The following RABGAP1 variants were observed in gnomAD, a reference collection of about 807,000 sequenced individuals.
The protein encoded by RABGAP1 is RAB GTPase activating protein 1, also known as rab GTPase-activating protein 1.
Under a neutral mutation model 137.6 loss-of-function variants are expected in RABGAP1, and 23 were observed. That is an observed-to-expected ratio of 0.17 (90% CI 0.12 to 0.24). The LOEUF (loss-of-function observed/expected upper bound fraction) is 0.24, where lower values mean the gene tolerates loss of function less well. Among genes scored for constraint, RABGAP1 ranks in the 10% least tolerant of loss-of-function variants. The pLI is 1.00. For missense variants in RABGAP1, 906 were observed against 1,275.8 expected, an observed-to-expected ratio of 0.71 and a Z score of 4.42; for synonymous variants, 451 against 450.7, an observed-to-expected ratio of 1.00 and a Z score of -0.01.
intron 13 of RABGAP1, among the ~76,000 whole-genome samples, chr9:123,055,272 G>A (rs952926384): frequency 3.3e-5 from 5 of 152,130 alleles, no homozygotes; most frequent in African/African-American, 1.2e-4. Flanking sequence ...GCTCACTGCA[G>A]CTTTGACCCC....
chr9:122,934,484 A>C, the RABGAP1 span, among the ~76,000 whole-genome samples: 1 of 151,824 alleles, frequency 6.6e-6, no homozygotes, highest in Admixed American at 6.6e-5. Flanking sequence ...TTTAAAATTA[A>C]TTTTCCCTTT....
At chr9:122,971,569 A>G in intron 2 of RABGAP1, 1 of 152,358 alleles carries the variant, frequency 6.6e-6, no homozygotes, top group Middle Eastern at 3.4e-3. Flanking sequence ...ATCATTAAAG[A>G]CTTAAAGCAA....
chr9:123,057,646 A>G lies in RABGAP1; in HGVS notation c.1795-7702A>G, dbSNP rs996275054. Reference sequence around the variant, plus strand: ...CAGAGACGCTCCTCACTTCCCAGACAGGGTGGTGGCCGGGCAGAGGCTGCA... The same window carrying G: ...CAGAGACGCTCCTCACTTCCCAGACGGGGTGGTGGCCGGGCAGAGGCTGCA... On this transcript the variant is annotated intron_variant, in intron 13 of 25. Transcript: ENST00000373647. 6.9e-4 allele frequency among the ~76,000 whole-genome samples: 105 copies of G among 151,668 alleles called. 1 individual carries two copies. Among genetic ancestry groups the G allele is most frequent in the East Asian group, 7.8e-4 (4 of 5,126 alleles).
intron 13 of RABGAP1, among the ~76,000 whole-genome samples, chr9:123,049,302 G>T (rs1201808438): frequency 6.6e-6 from 1 of 152,112 alleles, no homozygotes; most frequent in Non-Finnish European, 1.5e-5. Context: ...TGTTGTTGTT[G>T]TTGTTGTTGT....
chr9:122,988,355 C>A (rs1836474830), intron 4 of RABGAP1, among the ~76,000 whole-genome samples: 1 of 152,156 alleles, frequency 6.6e-6, no homozygotes, highest in Non-Finnish European at 1.5e-5. Context: ...TCTTTTTAGA[C>A]CTTCCATAGT....
chr9:123,083,331 G>C (rs2132186630), intron 19 of RABGAP1, among the ~76,000 whole-genome samples: 1 of 152,324 alleles, frequency 6.6e-6, no homozygotes, highest in African/African-American at 2.4e-5. Flanking sequence ...ACAAAGTTCA[G>C]CTTTCTTTAT....
intron 13 of RABGAP1, among the ~76,000 whole-genome samples, chr9:123,048,264 A>G (rs1240799703): frequency 6.6e-6 from 1 of 152,174 alleles, no homozygotes; most frequent in Non-Finnish European, 1.5e-5. Context: ...TTGCTACTCA[A>G]TAGACACATT....
intron 1 of RABGAP1, among the ~76,000 whole-genome samples, chr9:122,952,581 A>T (rs753860942): frequency 1.3e-5 from 2 of 151,972 alleles, no homozygotes; most frequent in Admixed American, 6.6e-5. Flanking sequence ...AAATTTTTTT[A>T]AAAAATTACC....
intron 13 of RABGAP1, chr9:123,035,300 G>C (rs1170910916): frequency 1.2e-6 from 2 of 1,614,162 alleles, no homozygotes; most frequent in East Asian, 2.2e-5. Context: ...GTGCAGGCCT[G>C]TCCTGATAAG....
intron 19 of RABGAP1, among the ~76,000 whole-genome samples, chr9:123,082,490 G>C (rs1370163241): frequency 2.6e-5 from 4 of 152,146 alleles, no homozygotes; most frequent in African/African-American, 9.7e-5. Flanking sequence ...TTAGATTTTT[G>C]ATTCAAGAAA....
At position 123,068,075 on chromosome 9, in the gene RABGAP1, C is replaced by T. The variant is rs116314967; in HGVS notation, c.1909-2275C>T. Among the ~76,000 whole-genome samples the T allele has an allele frequency of 3.0e-3, 454 of 152,142 alleles. 2 individuals are homozygous for T. The highest frequency in any genetic ancestry group is 0.01 in the African/African-American group (425 of 41,514). ...GCTCAAGATTCATATCTAGGCTGGG[C>T]GCGGTGGCTTATGCTTACAATCCCA... On this transcript the variant is annotated intron_variant, in intron 14 of 25. Coordinates refer to ENST00000373647, the MANE Select transcript of RABGAP1 (RefSeq NM_012197.4).
chr9:123,030,911 T>C (rs1214948119), intron 13 of RABGAP1, among the ~76,000 whole-genome samples: 1 of 152,214 alleles, frequency 6.6e-6, no homozygotes, highest in Non-Finnish European at 1.5e-5. Context: ...AAGCAAAACA[T>C]TTAATTCCTG....
At chr9:122,931,990 C>T in the RABGAP1 span, among the ~76,000 whole-genome samples, 1 of 152,114 alleles carries the variant, frequency 6.6e-6, no homozygotes, top group South Asian at 2.1e-4. Flanking sequence ...GGAGTTCTTC[C>T]TAGGGCAAAC....
intron 21 of RABGAP1, among the ~76,000 whole-genome samples, chr9:123,092,818 T>C (rs1257433144): frequency 6.6e-6 from 1 of 152,158 alleles, no homozygotes; most frequent in Non-Finnish European, 1.5e-5. Flanking sequence ...AAAAAGAGGT[T>C]AAATATCCCA....
chr9:122,955,427 T>C (rs566583493), intron 1 of RABGAP1, among the ~76,000 whole-genome samples: 1 of 152,218 alleles, frequency 6.6e-6, no homozygotes, highest in Non-Finnish European at 1.5e-5. Context: ...AAGTACAATT[T>C]GAAATGTTTT....
intron 6 of RABGAP1, among the ~76,000 whole-genome samples, chr9:122,995,144 C>T (rs937807070): frequency 1.3e-5 from 2 of 151,944 alleles, no homozygotes; most frequent in East Asian, 3.9e-4. Flanking sequence ...ATATTTTTAC[C>T]TTTTTAATTA....
At chr9:123,046,085 T>C (rs781346429) in intron 13 of RABGAP1, among the ~76,000 whole-genome samples, 3 of 152,192 alleles carry the variant, frequency 2.0e-5, no homozygotes, top group Non-Finnish European at 4.4e-5. Context: ...ACTGCCTTGA[T>C]AGTTAGCTCC....
chr9:123,074,341 G>A lies in RABGAP1; in HGVS notation c.2166G>A (p.Met722Ile), dbSNP rs1448260544. The A allele has an allele frequency of 6.2e-7, 1 of 1,613,598 alleles. No homozygotes were observed. Among genetic ancestry groups the A allele is most frequent in the Non-Finnish European group, 8.5e-7 (1 of 1,179,700 alleles). ...HFLDISLEAH[M>I]YASQWFLTLF... ...TGGATATAAGCCTTGAAGCACACATGTATGCCTCCCAGTGGTTTCTTACTC... is the reference window on the plus strand; with the variant it reads ...TGGATATAAGCCTTGAAGCACACATATATGCCTCCCAGTGGTTTCTTACTC... Residue 722 changes from methionine to isoleucine, a missense_variant, in exon 17 of 26, where the codon ATG becomes ATA. Transcript: ENST00000373647.
At chr9:123,012,599 T>G (rs755036038) in intron 11 of RABGAP1, among the ~76,000 whole-genome samples, 1 of 152,206 alleles carries the variant, frequency 6.6e-6, no homozygotes, top group Non-Finnish European at 1.5e-5. Context: ...AGTTCTTAAC[T>G]AGGGAGAGAT....
Sources: gnomAD v4.1 joint callset for allele counts (sites outside exome capture counted in the v4.1 genomes callset) on GRCh38, gnomAD v4.1.1 for gene constraint, MANE v1.5 for transcripts, NCBI Gene and HGNC (gene_info 2026-07-23, HGNC 2026-07-21) for gene names.